ITSN2: variants seen among roughly 807,000 people sequenced by gnomAD.
The protein encoded by ITSN2 is intersectin-2.
Under a neutral mutation model 243.7 loss-of-function variants are expected in ITSN2, and 156 were observed. The ratio of observed to expected loss-of-function variants is 0.64; its 90% CI spans 0.56 to 0.73. ITSN2 has a LOEUF of 0.73. ITSN2 is among the 30% of genes least tolerant of loss of function. ITSN2 has a pLI of 0.00. For missense variants in ITSN2, 1,801 were observed against 1,996.1 expected, an observed-to-expected ratio of 0.90 and a Z score of 1.86; for synonymous variants, 703 against 699.9, an observed-to-expected ratio of 1.00 and a Z score of -0.07.
intron 20 of ITSN2, 125 bp from the exon 21 acceptor site, chr2:24,261,867 G>T: frequency 3.3e-6 from 2 of 609,966 alleles, no homozygotes; most frequent in Admixed American, 3.3e-5. Context: ...AACAGCTAAG[G>T]CATTTTCTAC....
chr2:24,293,305 C>A (rs983967937), intron 15 of ITSN2: 4 of 158,112 alleles, frequency 2.5e-5, no homozygotes, highest in African/African-American at 9.6e-5. Context: ...ATCCCAGGTG[C>A]GGCCCCACCA....
chr2:24,303,334 G>A (rs1682037554), intron 9 of ITSN2, among the ~76,000 whole-genome samples: 2 of 152,278 alleles, frequency 1.3e-5, no homozygotes, highest in East Asian at 3.9e-4. Context: ...TGATGATCTT[G>A]ACCCTCTACA....
chr2:24,224,221 T>A (rs1285058163), intron 29 of ITSN2, among the ~76,000 whole-genome samples: 1 of 152,268 alleles, frequency 6.6e-6, no homozygotes, highest in Non-Finnish European at 1.5e-5. Context: ...ACAAACTTCA[T>A]GTTCTGCTTT....
At chr2:24,206,637 A>G (rs1458140486) in intron 37 of ITSN2, among the ~76,000 whole-genome samples, 5 of 152,174 alleles carry the variant, frequency 3.3e-5, no homozygotes, top group African/African-American at 1.2e-4. Flanking sequence ...GATCTGTGCC[A>G]TGAACACAGA....
intron 1 of ITSN2, among the ~76,000 whole-genome samples, chr2:24,338,097 C>T (rs1160632684): frequency 1.3e-5 from 2 of 152,144 alleles, no homozygotes; most frequent in African/African-American, 2.4e-5. Context: ...CCCTCACTGG[C>T]CTTAACATCA....
At chr2:24,243,061 C>T (rs1029238694) in intron 29 of ITSN2, among the ~76,000 whole-genome samples, 1 of 152,132 alleles carries the variant, frequency 6.6e-6, no homozygotes, top group Admixed American at 6.5e-5. Flanking sequence ...AACATTTGCC[C>T]TTCCAGCAAA....
At chr2:24,335,338 G>A (rs1410561394) in intron 1 of ITSN2, among the ~76,000 whole-genome samples, 1 of 152,108 alleles carries the variant, frequency 6.6e-6, no homozygotes, top group Non-Finnish European at 1.5e-5. Flanking sequence ...CATGTCCAGT[G>A]CTCTGGTTTT....
At chr2:24,335,828 G>C (rs1372801301) in intron 1 of ITSN2, among the ~76,000 whole-genome samples, 1 of 150,514 alleles carries the variant, frequency 6.6e-6, no homozygotes, top group African/African-American at 2.4e-5. Flanking sequence ...AGTAGGGACG[G>C]GGTTTCGCCA....
Position 24,298,719 on chromosome 2 carries a change from T to G in ITSN2, c.1440A>C (p.Glu480Asp), listed in dbSNP as rs1372241215. ...LLNQKNREQE[E>D]IVRLNSKKKN... is the part of the protein sequence containing the mutation. The stretch of plus-strand genomic sequence containing the variant: ...TCTTTTTAGAGTTTAACCTGACAAT[T>G]TCTTCTTGTTCTCTATTCTTTTGAT... The change falls in exon 13 of 40, where the codon GAA becomes GAC. Residue 480 changes from glutamate (E) to aspartate (D), a missense_variant. By Grantham distance (45) the Glu-to-Asp change is conservative. Around this residue, in one of 5 missense-constraint regions of ITSN2, gnomAD observed 787 missense variants for 803.9 expected, o/e 0.98. Coordinates refer to ENST00000355123, the MANE Select transcript of ITSN2 (RefSeq NM_006277.3). The G allele has an allele frequency of 6.2e-7, 1 of 1,612,820 alleles. No individual in the cohort carries two copies. Among genetic ancestry groups the G allele is most frequent in the Non-Finnish European group, 8.5e-7 (1 of 1,179,520 alleles).
intron 29 of ITSN2, among the ~76,000 whole-genome samples, chr2:24,228,665 T>C (rs55860688): frequency 0.19 from 29,407 of 152,106 alleles, 3,270 homozygotes; most frequent in Non-Finnish European, 0.26. Flanking sequence ...ATAGACTACA[T>C]AATTTCCCAA....
intron 29 of ITSN2, among the ~76,000 whole-genome samples, chr2:24,244,537 C>T (rs992857869): frequency 1.1e-4 from 16 of 152,130 alleles, no homozygotes; most frequent in Admixed American, 3.3e-4. Context: ...ACTGACACAC[C>T]GGCATGCCTT....
At chr2:24,221,975 G>C (rs544822932) in intron 29 of ITSN2, among the ~76,000 whole-genome samples, 1 of 152,236 alleles carries the variant, frequency 6.6e-6, no homozygotes, top group African/African-American at 2.4e-5. Context: ...AGCCGGGCAT[G>C]GTGGCTCACA....
At chr2:24,334,832 G>C in intron 1 of ITSN2, 1 of 850,454 alleles carries the variant, frequency 1.2e-6, no homozygotes, top group South Asian at 1.4e-5. Context: ...GGGAGGCCGA[G>C]GCGGGCGGAT....
intron 29 of ITSN2, 52 bp downstream of exon 29, chr2:24,246,077 G>A (rs1673324136): frequency 8.5e-7 from 1 of 1,175,078 alleles, no homozygotes; most frequent in Middle Eastern, 2.0e-4. Flanking sequence ...ATGCAGTGCT[G>A]TATATTGAAG....
At chr2:24,330,756 C>T (rs1421675108) in intron 1 of ITSN2, 2 of 529,134 alleles carry the variant, frequency 3.8e-6, no homozygotes, top group South Asian at 1.8e-5. Flanking sequence ...ATAAAAAATG[C>T]AGAATTTCAT....
chr2:24,246,661 A>G, intron 28 of ITSN2, 136 bp downstream of exon 28: 1 of 615,402 alleles, frequency 1.6e-6, no homozygotes, highest in South Asian at 2.1e-5. Flanking sequence ...GGAAATTCTC[A>G]GTGGCATGTC....
At position 24,332,831 on chromosome 2, in the gene ITSN2, T is replaced by A. The variant is rs554642126; in HGVS notation, c.-33-4716A>T. On this transcript the variant is annotated intron_variant, in intron 1 of 39. Transcript: ENST00000355123. ...TTTACATTTTTCAAAAAGCAATTAATAAATTAACATTTACTGTTTACCATT... is the reference window on the plus strand; with the variant it reads ...TTTACATTTTTCAAAAAGCAATTAAAAAATTAACATTTACTGTTTACCATT... 2.0e-5 allele frequency among the ~76,000 whole-genome samples: 3 copies of A among 152,326 alleles called. No individual in the cohort carries two copies. The South Asian group carries it at 6.2e-4, about 32-fold the overall frequency.
In ITSN2 at chr2:24,328,137, C is replaced by T. The variant is rs1330419575; in HGVS notation, c.-33-22G>A. The T allele has an allele frequency of 3.8e-6, 6 of 1,581,572 alleles. No individual in the cohort carries two copies. In the East Asian group the frequency reaches 1.3e-4, roughly 35 times the overall value. On this transcript the variant is annotated intron_variant, in intron 1 of 39. Coordinates refer to ENST00000355123, the MANE Select transcript of ITSN2 (RefSeq NM_006277.3). ...CCATCTGCAACATAAAAATATTGTG[C>T]CGTTGATAATACAACAAGGGCAAAT...
chr2:24,265,937 T>C (rs1484492301), intron 20 of ITSN2, among the ~76,000 whole-genome samples: 1 of 152,212 alleles, frequency 6.6e-6, no homozygotes, highest in East Asian at 1.9e-4. Flanking sequence ...TGGTTATCCT[T>C]CGTTAAGATA....
Sources: gnomAD v4.1 joint callset for allele counts (sites outside exome capture counted in the v4.1 genomes callset) on GRCh38, gnomAD v4.1.1 for gene constraint, gnomAD v4.1.1 regional missense constraint, MANE v1.5 for transcripts, NCBI Gene and HGNC (gene_info 2026-07-23, HGNC 2026-07-21) for gene names.